Variants in THSD7A observed in about 807,000 individuals in gnomAD.
THSD7A encodes thrombospondin type-1 domain-containing protein 7A.
THSD7A carries 96 observed loss-of-function variants against 231.3 expected under a neutral mutation model. The observed-to-expected ratio is 0.41, with a 90% CI of 0.35 to 0.49. The LOEUF (loss-of-function observed/expected upper bound fraction) is 0.49, where lower values mean the gene tolerates loss of function less well. THSD7A is among the 20% of genes least tolerant of loss of function. The pLI, the probability that THSD7A is intolerant of heterozygous loss-of-function variation, is 0.05. For synonymous variants in THSD7A, 940 were observed against 743.3 expected, an observed-to-expected ratio of 1.26 and a Z score of -4.30; for missense variants, 2,290 against 2,070.2, an observed-to-expected ratio of 1.11 and a Z score of -2.06.
chr7:11,636,991 G>T lies in THSD7A; in HGVS notation c.191-30C>A, dbSNP rs1781891663. On this transcript the variant is annotated intron_variant, in intron 1 of 27. Coordinates refer to ENST00000423059, the MANE Select transcript of THSD7A (RefSeq NM_015204.3). This position sits in a 1 kb window ranked among gnomAD's most constrained non-coding sequence, Gnocchi z 10.0. Reference sequence around the variant, plus strand: ...AAAAATTATAACACAAAAATTAGCAGTGCTACTAGAAGAAAACTACAAGTT... The same window carrying T: ...AAAAATTATAACACAAAAATTAGCATTGCTACTAGAAGAAAACTACAAGTT... 6 of 1,568,002 alleles carry T rather than the reference G, an allele frequency of 3.8e-6. No individual in the cohort carries two copies. Among genetic ancestry groups the T allele is most frequent in the Non-Finnish European group, 5.2e-6 (6 of 1,160,852 alleles).
At chr7:11,780,851 C>T (rs561042990) in intron 1 of THSD7A, among the ~76,000 whole-genome samples, 16 of 150,802 alleles carry the variant, frequency 1.1e-4, no homozygotes, top group African/African-American at 3.4e-4. Flanking sequence ...ATTAGCCGGG[C>T]GCGGTGGCGG....
chr7:11,527,000 G>A lies in THSD7A; in HGVS notation c.1822+14419C>T, dbSNP rs541476170. 5.9e-5 allele frequency among the ~76,000 whole-genome samples: 9 copies of A among 152,290 alleles called. No homozygotes were observed. In the South Asian group the frequency reaches 1.9e-3, roughly 32 times the overall value. ...AAAGAATGAATGAGCCTAGGCAGCA[G>A]ACTGAGAAGTCTAACCAATGATTAA... On this transcript the variant is annotated intron_variant, in intron 6 of 27. Coordinates refer to ENST00000423059, the MANE Select transcript of THSD7A (RefSeq NM_015204.3).
chr7:11,618,758 A>G (rs1055029416), intron 2 of THSD7A, among the ~76,000 whole-genome samples: 1 of 151,844 alleles, frequency 6.6e-6, no homozygotes, highest in Non-Finnish European at 1.5e-5. Context: ...AACACTGCAC[A>G]GGAGCCTGGG....
chr7:11,474,462 A>G lies in THSD7A; in HGVS notation c.2124T>C (p.Ile708=). 1.9e-6 allele frequency: 3 copies of G among 1,613,606 alleles called. No homozygotes were observed. The highest frequency in any genetic ancestry group is 2.5e-6 in the Non-Finnish European group (3 of 1,179,624). ...HWQTGPWGQC[I]EDTSVSSFNT... is the part of the protein sequence containing the mutation. Reference sequence around the variant, plus strand: ...TGAAGGACGATACTGAGGTGTCCTCAATGCACTGGCCCCAGGGACCAGTTT... The same window carrying G: ...TGAAGGACGATACTGAGGTGTCCTCGATGCACTGGCCCCAGGGACCAGTTT... Residue 708 remains isoleucine, a synonymous_variant, in exon 8 of 28, where the codon ATT becomes ATC. Coordinates refer to ENST00000423059, the MANE Select transcript of THSD7A (RefSeq NM_015204.3). This position sits in a 1 kb window ranked among gnomAD's most constrained non-coding sequence, Gnocchi z 4.1.
chr7:11,727,187 A>G (rs538099219), intron 1 of THSD7A, among the ~76,000 whole-genome samples: 296 of 152,086 alleles, frequency 1.9e-3, no homozygotes, highest in African/African-American at 5.9e-3. Context: ...GGGCATACAT[A>G]TTTGCAAATG....
chr7:11,577,583 C>T (rs1790970396), intron 4 of THSD7A, among the ~76,000 whole-genome samples: 1 of 151,432 alleles, frequency 6.6e-6, no homozygotes, highest in Admixed American at 6.6e-5. Context: ...TCCCAAAGGC[C>T]TGGGGTTACA....
At chr7:11,830,424 T>TA (rs1785159697) in intron 1 of THSD7A, among the ~76,000 whole-genome samples, 1 of 152,246 alleles carries the variant, frequency 6.6e-6, no homozygotes, top group Non-Finnish European at 1.5e-5. Flanking sequence ...TTTTAACAAG[T>TA]AAAACCCTAG....
intron 1 of THSD7A, among the ~76,000 whole-genome samples, chr7:11,763,632 T>G (rs946350161): frequency 2.6e-5 from 4 of 152,162 alleles, no homozygotes; most frequent in African/African-American, 9.6e-5. Context: ...TTCTTAGTGT[T>G]TATAACTTAA....
intron 6 of THSD7A, among the ~76,000 whole-genome samples, chr7:11,529,425 G>A (rs973917465): frequency 2.6e-5 from 4 of 152,060 alleles, no homozygotes; most frequent in Non-Finnish European, 4.4e-5. Flanking sequence ...TATGGTTTGC[G>A]TGTGTCCCGA....
At chr7:11,607,667 T>A (rs1780779217) in intron 2 of THSD7A, among the ~76,000 whole-genome samples, 1 of 152,154 alleles carries the variant, frequency 6.6e-6, no homozygotes. Flanking sequence ...GTTTTACAAA[T>A]TCCCTGAATG....
At chr7:11,739,687 G>C (rs934431991) in intron 1 of THSD7A, among the ~76,000 whole-genome samples, 10 of 151,952 alleles carry the variant, frequency 6.6e-5, no homozygotes, top group African/African-American at 2.4e-4. Flanking sequence ...AAAGTGATGA[G>C]ATTATAGATA....
chr7:11,432,150 A>G (rs961811601), intron 13 of THSD7A, among the ~76,000 whole-genome samples: 3 of 152,068 alleles, frequency 2.0e-5, no homozygotes, highest in African/African-American at 7.2e-5. Context: ...ACCACCCTCA[A>G]GTTATTGACA....
intron 1 of THSD7A, among the ~76,000 whole-genome samples, chr7:11,750,366 A>G (rs1782457833): frequency 2.0e-5 from 3 of 151,964 alleles, no homozygotes. Context: ...CAGAGGGTAT[A>G]GTTGTCACTG....
intron 1 of THSD7A, among the ~76,000 whole-genome samples, chr7:11,792,534 G>A (rs1332150191): frequency 6.6e-6 from 1 of 151,698 alleles, no homozygotes; most frequent in African/African-American, 2.4e-5. Context: ...GGCAATCTAC[G>A]CAAATACAAA....
chr7:11,543,199 G>C, intron 4 of THSD7A, 82 bp from the exon 5 acceptor site: 1 of 1,293,500 alleles, frequency 7.7e-7, no homozygotes, highest in Non-Finnish European at 1.1e-6. Flanking sequence ...TGTGTGTATG[G>C]AAAAGGAAAA....
chr7:11,530,769 G>C lies in THSD7A; in HGVS notation c.1822+10650C>G, dbSNP rs145543875. On this transcript the variant is annotated intron_variant, in intron 6 of 27. Transcript: ENST00000423059. ...TCATGCCTGTAAATCCCAACTCTTT[G>C]GGAGGCCGAGGTGGGCAGATCACTT... is the stretch of plus-strand genomic sequence containing the variant. 2.5e-3 allele frequency among the ~76,000 whole-genome samples: 382 copies of C among 152,220 alleles called. 1 individual carries two copies. The highest frequency in any genetic ancestry group is 8.9e-3 in the African/African-American group (369 of 41,556).
In THSD7A at chr7:11,446,001, G is replaced by C; in HGVS notation, c.3064+60C>G. 1 of 1,592,800 alleles carries C rather than the reference G, an allele frequency of 6.3e-7. No individual in the cohort carries two copies. Among genetic ancestry groups the C allele is most frequent in the Non-Finnish European group, 8.6e-7 (1 of 1,164,064 alleles). The stretch of plus-strand genomic sequence containing the variant: ...TCACTTCCATTCCACTATGATGCGT[G>C]TGCATTTTCCCTCCACACTCCCGAA... On this transcript the variant is annotated intron_variant, in intron 13 of 27. Transcript: ENST00000423059. This position sits in a 1 kb window ranked among gnomAD's most constrained non-coding sequence, Gnocchi z 4.0.
At chr7:11,418,753 CTG>C (rs1262121709) in intron 16 of THSD7A, among the ~76,000 whole-genome samples, 1 of 152,002 alleles carries the variant, frequency 6.6e-6, no homozygotes, top group Non-Finnish European at 1.5e-5. Context: ...CACTGGAAAA[CTG>C]TGTTGTTGGT....
chr7:11,492,803 T>C (rs1440844784), intron 6 of THSD7A, among the ~76,000 whole-genome samples: 1 of 152,032 alleles, frequency 6.6e-6, no homozygotes, highest in Non-Finnish European at 1.5e-5. Context: ...CTTCCCACTC[T>C]ATCCTCTATG....
Sources: gnomAD v4.1 joint callset for allele counts (sites outside exome capture counted in the v4.1 genomes callset) on GRCh38, gnomAD v4.1.1 for gene constraint, Gnocchi (gnomAD v3.1) non-coding constraint, MANE v1.5 for transcripts, NCBI Gene and HGNC (gene_info 2026-07-23, HGNC 2026-07-21) for gene names.